FOXP1: variants seen among roughly 807,000 people sequenced by gnomAD.
FOXP1 encodes the protein forkhead box P1, also known as forkhead box protein P1.
FOXP1 carries 15 observed loss-of-function variants against 98.2 expected under a neutral mutation model. The ratio of observed to expected loss-of-function variants is 0.15; its 90% CI spans 0.10 to 0.24. The LOEUF is 0.24. Ranked by LOEUF, FOXP1 falls within the 10% of genes least tolerant of loss-of-function variation. FOXP1 has a pLI of 1.00. For synonymous variants in FOXP1, 371 were observed against 314.5 expected (o/e 1.18, Z -1.90); for missense variants, 633 against 848.5 (o/e 0.75, Z 3.15).
chr3:71,536,776 A>G (rs911065904), intron 2 of FOXP1, among the ~76,000 whole-genome samples: 3 of 152,136 alleles, frequency 2.0e-5, no homozygotes, highest in African/African-American at 7.2e-5. Context: ...CACATTCTCA[A>G]TGTGCCATGA....
intron 5 of FOXP1, chr3:71,276,127 G>A (rs2070860866): frequency 6.6e-6 from 1 of 152,114 alleles, no homozygotes; most frequent in Admixed American, 6.5e-5. Flanking sequence ...ATTTTTCCAA[G>A]CAATTTCTGC....
At chr3:71,193,090 T>C (rs1266769295) in intron 6 of FOXP1, among the ~76,000 whole-genome samples, 2 of 152,134 alleles carry the variant, frequency 1.3e-5, no homozygotes, top group African/African-American at 2.4e-5. Context: ...TTCTCTCAGG[T>C]TCCTCTGGCA....
intron 4 of FOXP1, among the ~76,000 whole-genome samples, chr3:71,345,397 TACACACACACACACACAC>T (rs71120315): frequency 2.2e-4 from 31 of 141,848 alleles, no homozygotes; most frequent in Admixed American, 1.3e-3. Flanking sequence ...CAAATATATA[TACACACACACACACACAC>T]ACACACACAC....
At chr3:71,352,469 T>A (rs1313258558) in intron 4 of FOXP1, among the ~76,000 whole-genome samples, 6 of 7,316 alleles carry the variant, frequency 8.2e-4, no homozygotes, top group South Asian at 0.029. Flanking sequence ...AGACTCCATC[T>A]CAAAAAAAAA....
intron 6 of FOXP1, among the ~76,000 whole-genome samples, chr3:71,124,680 CAG>C (rs2059034123): frequency 6.6e-6 from 1 of 150,650 alleles, no homozygotes. Flanking sequence ...AACATAAGAC[CAG>C]AGAGGATAAA....
At chr3:70,989,880 C>G (rs541184250) in intron 13 of FOXP1, among the ~76,000 whole-genome samples, 34 of 152,274 alleles carry the variant, frequency 2.2e-4, no homozygotes, top group African/African-American at 8.2e-4. Flanking sequence ...AAATCCTGGG[C>G]ATTTAAAGGA....
At chr3:71,247,329 G>GCTGCGACCTTCTGC (rs2067828965) in intron 5 of FOXP1, among the ~76,000 whole-genome samples, 1 of 152,204 alleles carries the variant, frequency 6.6e-6, no homozygotes, top group Non-Finnish European at 1.5e-5. Flanking sequence ...ACTTGGCTGA[G>GCTGCGACCTTCTGC]CTGCGACCTT....
At chr3:71,247,968 T>A (rs2067883160) in intron 5 of FOXP1, among the ~76,000 whole-genome samples, 1 of 152,176 alleles carries the variant, frequency 6.6e-6, no homozygotes, top group Admixed American at 6.5e-5. Flanking sequence ...TGAATCGGGC[T>A]TGCCTCCACA....
At chr3:71,567,373 C>G (rs1037908812) in intron 2 of FOXP1, among the ~76,000 whole-genome samples, 1 of 151,986 alleles carries the variant, frequency 6.6e-6, no homozygotes, top group South Asian at 2.1e-4. Context: ...AACCGAAACG[C>G]AGAGACTCCG....
intron 4 of FOXP1, among the ~76,000 whole-genome samples, chr3:71,317,512 T>C (rs563054016): frequency 7.7e-4 from 117 of 152,322 alleles, no homozygotes; most frequent in African/African-American, 2.7e-3. Context: ...ATAAACTATA[T>C]TTAATAGCAA....
chr3:70,982,044 A>G (rs948890709), intron 14 of FOXP1, among the ~76,000 whole-genome samples: 3 of 152,188 alleles, frequency 2.0e-5, no homozygotes, highest in African/African-American at 7.2e-5. Flanking sequence ...GCTTGTCTGG[A>G]GGAGAAACCA....
chr3:71,396,997 CATATATATGTGTATATATATATATAT>C (rs2081484369), intron 3 of FOXP1, among the ~76,000 whole-genome samples: 1 of 40,642 alleles, frequency 2.5e-5, no homozygotes, highest in African/African-American at 1.2e-4. Context: ...TATATATACA[CATATATATGTGTATATATATATATAT>C]ACATATATAT....
intron 3 of FOXP1, among the ~76,000 whole-genome samples, chr3:71,416,704 G>A (rs1452117963): frequency 6.6e-6 from 1 of 152,028 alleles, no homozygotes; most frequent in African/African-American, 2.4e-5. Context: ...GAAGAGTGAA[G>A]AGGAGAGGGA....
At chr3:71,516,497 A>G (rs2042590901) in intron 2 of FOXP1, among the ~76,000 whole-genome samples, 1 of 152,202 alleles carries the variant, frequency 6.6e-6, no homozygotes, top group South Asian at 2.1e-4. Context: ...CATTCCTAAA[A>G]TATATTATCT....
At chr3:71,008,851 C>A (rs1194040705) in intron 12 of FOXP1, among the ~76,000 whole-genome samples, 1 of 151,936 alleles carries the variant, frequency 6.6e-6, no homozygotes, top group Non-Finnish European at 1.5e-5. Flanking sequence ...GATATTTCTT[C>A]CTCAGGAGGG....
intron 9 of FOXP1, among the ~76,000 whole-genome samples, chr3:71,048,306 T>A (rs1450840555): frequency 6.6e-6 from 1 of 152,226 alleles, no homozygotes; most frequent in African/African-American, 2.4e-5. Flanking sequence ...CTGCATTCAC[T>A]TAACCTAACA....
chr3:71,463,981 A>C (rs2088432512), intron 3 of FOXP1, among the ~76,000 whole-genome samples: 1 of 152,232 alleles, frequency 6.6e-6, no homozygotes, highest in Non-Finnish European at 1.5e-5. Context: ...AATGAGGTAC[A>C]CTAATTAAGA....
chr3:71,083,610 G>A (rs1250495092), intron 7 of FOXP1, among the ~76,000 whole-genome samples: 1 of 152,176 alleles, frequency 6.6e-6, no homozygotes, highest in Admixed American at 6.5e-5. Context: ...TTGCTAAGCT[G>A]TAAGTATGTG....
intron 5 of FOXP1, among the ~76,000 whole-genome samples, chr3:71,264,749 C>T (rs1242275656): frequency 2.0e-5 from 3 of 152,126 alleles, no homozygotes; most frequent in Admixed American, 2.0e-4. Flanking sequence ...AAGAATTACG[C>T]GATTGATAAC....
Sources: gnomAD v4.1 joint callset for allele counts (sites outside exome capture counted in the v4.1 genomes callset) on GRCh38, gnomAD v4.1.1 for gene constraint, MANE v1.5 for transcripts, NCBI Gene and HGNC (gene_info 2026-07-23, HGNC 2026-07-21) for gene names.